The following RARB variants were observed in gnomAD, a reference collection of about 807,000 sequenced individuals.
RARB encodes the protein retinoic acid receptor beta.
RARB carries 17 observed loss-of-function variants against 51.9 expected under a neutral mutation model. The ratio of observed to expected loss-of-function variants is 0.33; its 90% confidence interval spans 0.22 to 0.49. RARB has a LOEUF of 0.49. Among genes scored for constraint, RARB ranks in the 20% least tolerant of loss-of-function variants. The pLI is 0.99. For synonymous variants in RARB, 215 were observed against 195.4 expected, an observed-to-expected ratio of 1.10 and a Z score of -0.84; for missense variants, 369 against 550.8, an observed-to-expected ratio of 0.67 and a Z score of 3.30.
At chr3:24,865,640 G>A (rs190214807) in intron 2 of RARB, among the ~76,000 whole-genome samples, 8 of 152,172 alleles carry the variant, frequency 5.3e-5, no homozygotes, top group East Asian at 3.9e-4. Context: ...AACTTAATAC[G>A]TACAAATGTA....
At chr3:25,366,070 C>T (rs1205849629) in intron 5 of RARB, among the ~76,000 whole-genome samples, 1 of 152,118 alleles carries the variant, frequency 6.6e-6, no homozygotes, top group East Asian at 1.9e-4. Context: ...TGACTTTTTC[C>T]CTATAGGGAT....
intron 5 of RARB, among the ~76,000 whole-genome samples, chr3:25,234,204 T>C (rs1195975793): frequency 6.6e-6 from 1 of 152,188 alleles, no homozygotes; most frequent in Non-Finnish European, 1.5e-5. Flanking sequence ...TTTTCTTTGT[T>C]GAAGGTTTTT....
intron 1 of RARB, among the ~76,000 whole-genome samples, chr3:25,457,099 T>G (rs1694958601): frequency 6.6e-6 from 1 of 152,070 alleles, no homozygotes; most frequent in South Asian, 2.1e-4. Context: ...AAAAGGGAAT[T>G]TTTTTTAAAA....
intron 2 of RARB, among the ~76,000 whole-genome samples, chr3:24,977,827 G>A (rs1696552151): frequency 1.3e-5 from 2 of 152,168 alleles, no homozygotes. Flanking sequence ...TCCTTGTCTT[G>A]TGCCAGTTTT....
intron 4 of RARB, among the ~76,000 whole-genome samples, chr3:25,163,501 C>CA (rs1385452358): frequency 0.026 from 2,051 of 78,518 alleles, 42 homozygotes; most frequent in South Asian, 0.12. Flanking sequence ...GACCCTATCT[C>CA]AAAATATATA....
chr3:25,356,231 T>C (rs1705730236), intron 5 of RARB, among the ~76,000 whole-genome samples: 1 of 152,120 alleles, frequency 6.6e-6, no homozygotes, highest in Admixed American at 6.6e-5. Flanking sequence ...TTCTTCCTCT[T>C]CTGGATAAGA....
At chr3:25,580,487 C>A in intron 4 of RARB, 59 bp from the exon 5 acceptor site, 3 of 1,406,852 alleles carry the variant, frequency 2.1e-6, no homozygotes, top group Non-Finnish European at 2.9e-6. Context: ...CATTGAATTT[C>A]TCCCCTCCTA....
chr3:25,586,370 G>C (rs1701389914), intron 5 of RARB, among the ~76,000 whole-genome samples: 1 of 152,186 alleles, frequency 6.6e-6, no homozygotes, highest in African/African-American at 2.4e-5. Context: ...GTCTCAGTGA[G>C]AGTAGGAACC....
At chr3:24,895,587 C>T (rs1378214828) in intron 2 of RARB, among the ~76,000 whole-genome samples, 1 of 148,604 alleles carries the variant, frequency 6.7e-6, no homozygotes, top group Non-Finnish European at 1.5e-5. Flanking sequence ...TGCTAATTAT[C>T]TTTCTCACTT....
intron 5 of RARB, among the ~76,000 whole-genome samples, chr3:25,216,984 T>A (rs1219623070): frequency 6.6e-6 from 1 of 152,048 alleles, no homozygotes; most frequent in Non-Finnish European, 1.5e-5. Flanking sequence ...CTTAATGACA[T>A]CCAGATTTGA....
chr3:25,435,223 A>C (rs904207216), intron 1 of RARB, among the ~76,000 whole-genome samples: 1 of 152,236 alleles, frequency 6.6e-6, no homozygotes, highest in South Asian at 2.1e-4. Context: ...ATAAATTACT[A>C]TTCATCACAG....
chr3:25,014,839 T>C (rs1016752341), intron 2 of RARB, among the ~76,000 whole-genome samples: 7 of 152,012 alleles, frequency 4.6e-5, no homozygotes, highest in Non-Finnish European at 7.4e-5. Flanking sequence ...ACAGGAATAA[T>C]TAGGCAGAAA....
At chr3:25,331,444 G>A (rs986933313) in intron 5 of RARB, among the ~76,000 whole-genome samples, 3 of 152,104 alleles carry the variant, frequency 2.0e-5, no homozygotes, top group African/African-American at 2.4e-5. Context: ...ATAACAAAAC[G>A]AAGGCAGAAA....
At chr3:25,346,915 CAT>C (rs1436849100) in intron 5 of RARB, among the ~76,000 whole-genome samples, 1 of 152,192 alleles carries the variant, frequency 6.6e-6, no homozygotes, top group Non-Finnish European at 1.5e-5. Flanking sequence ...GGTCTGCCCT[CAT>C]AGGCTATAGT....
intron 2 of RARB, among the ~76,000 whole-genome samples, chr3:25,041,221 G>A (rs1293321733): frequency 2.6e-5 from 4 of 152,108 alleles, no homozygotes; most frequent in Admixed American, 2.0e-4. Context: ...AGGCCTGGGG[G>A]ATGTCACTTA....
chr3:25,399,068 T>G (rs565495461), intron 5 of RARB, among the ~76,000 whole-genome samples: 1 of 152,276 alleles, frequency 6.6e-6, no homozygotes, highest in East Asian at 1.9e-4. Context: ...CACTCTACCA[T>G]CCTGGCTTTG....
intron 2 of RARB, among the ~76,000 whole-genome samples, chr3:25,461,828 G>C (rs1695202631): frequency 6.6e-6 from 1 of 152,204 alleles, no homozygotes; most frequent in Non-Finnish European, 1.5e-5. Flanking sequence ...CTGGGAAGCA[G>C]CGGTTGCAGC....
Position 25,083,770 on chromosome 3 carries a change from G to A in RARB, c.-328+23594G>A, listed in dbSNP as rs142697301. 1.7e-4 allele frequency among the ~76,000 whole-genome samples: 26 copies of A among 152,220 alleles called. No homozygotes were observed. In the East Asian group the frequency reaches 4.1e-3, roughly 24 times the overall value. ...ATTATCATCCTTTAAAGATGACTGC[G>A]TTTTGTTCTGGAGTTTTATTTGTTT... On this transcript the variant is annotated intron_variant, in intron 3 of 11. Transcript: ENST00000383772.
intron 5 of RARB, among the ~76,000 whole-genome samples, chr3:25,335,151 G>A (rs1479007185): frequency 6.6e-6 from 1 of 152,150 alleles, no homozygotes; most frequent in African/African-American, 2.4e-5. Flanking sequence ...AATAGCACAA[G>A]CATACTGTAT....
Sources: allele counts gnomAD v4.1 joint callset (sites outside exome capture counted in the v4.1 genomes callset), GRCh38; gene constraint gnomAD v4.1.1; transcripts MANE v1.5; gene names NCBI Gene and HGNC (gene_info 2026-07-23, HGNC 2026-07-21).